Variants in DUT observed in about 807,000 individuals in gnomAD.
DUT encodes deoxyuridine triphosphatase.
A neutral mutation model predicts 28.8 loss-of-function variants in DUT; 21 were observed. The observed-to-expected ratio is 0.73, with a 90% CI of 0.52 to 1.05. DUT has a LOEUF of 1.05. Among genes scored for constraint, DUT ranks in the 50% least tolerant of loss-of-function variants. The pLI is 0.00. For synonymous variants in DUT, 147 were observed against 143.7 expected, an observed-to-expected ratio of 1.02 and a Z score of -0.17; for missense variants, 344 against 351.8, an observed-to-expected ratio of 0.98 and a Z score of 0.18.
rs1379598276 is a variant in DUT, at chr15:48,331,472, G to T, written c.-44G>T. 2.5e-6 allele frequency: 4 copies of T among 1,606,518 alleles called. No individual in the cohort carries two copies. In the South Asian group the frequency reaches 4.4e-5, roughly 18 times the overall value. ...TCTTCAGGGTGGAAGCCTGGCGCACGTCCGGAGGTGCCGAGGACCCAACCA... is the reference window on the plus strand; with the variant it reads ...TCTTCAGGGTGGAAGCCTGGCGCACTTCCGGAGGTGCCGAGGACCCAACCA... On this transcript the variant is annotated 5_prime_UTR_variant, in exon 1 of 7. Coordinates refer to ENST00000331200, the MANE Select transcript of DUT (RefSeq NM_001025248.2).
chr15:48,331,346 G>C (rs2042404665), upstream of DUT: 8 of 1,454,978 alleles, frequency 5.5e-6, no homozygotes, highest in Non-Finnish European at 7.2e-6. Context: ...GGGGCCCCAG[G>C]GCCTGCGCCA....
chr15:48,341,470 C>T (rs372941812), intron 5 of DUT, 45 bp from the exon 6 acceptor site: 5 of 1,583,148 alleles, frequency 3.2e-6, no homozygotes, highest in African/African-American at 2.7e-5. Context: ...CAGGATATGG[C>T]GAATGTGTCA....
intron 4 of DUT, among the ~76,000 whole-genome samples, chr15:48,337,357 T>C (rs1380374804): frequency 6.6e-6 from 1 of 152,198 alleles, no homozygotes; most frequent in Non-Finnish European, 1.5e-5. Flanking sequence ...TTTCAAATGA[T>C]TGTTCAAGGA....
intron 2 of DUT, among the ~76,000 whole-genome samples, chr15:48,333,623 A>G (rs2042442990): frequency 6.6e-6 from 1 of 152,158 alleles, no homozygotes; most frequent in East Asian, 1.9e-4. Context: ...TCATTGTAAA[A>G]TCTCTTAAAT....
At chr15:48,331,151 T>A, upstream of DUT, 1 of 1,341,334 alleles carries the variant, frequency 7.5e-7, no homozygotes, top group Non-Finnish European at 9.7e-7. Context: ...GCCGCTAAAC[T>A]CAGAGCCCGG....
At chr15:48,341,209 G>T in intron 4 of DUT, 80 bp from the exon 5 acceptor site, 1 of 814,644 alleles carries the variant, frequency 1.2e-6, no homozygotes, top group South Asian at 1.9e-5. Flanking sequence ...AGAGCTACAT[G>T]ATAATGATTT....
chr15:48,331,857 G>A (rs1485993462), intron 1 of DUT, 62 bp downstream of exon 1: 6 of 1,255,198 alleles, frequency 4.8e-6, no homozygotes, highest in Admixed American at 4.0e-5. Flanking sequence ...TTGAGGCTGT[G>A]GGGGAAGTAG....
intron 1 of DUT, 90 bp downstream of exon 1, chr15:48,331,885 CTG>C (rs2042416502): frequency 2.0e-5 from 3 of 149,148 alleles, no homozygotes; most frequent in Non-Finnish European, 3.1e-5. Context: ...AGCGGTCCTT[CTG>C]CGCGCGGGGG....
chr15:48,334,134 G>A (rs1341881936), intron 2 of DUT, among the ~76,000 whole-genome samples: 1 of 151,998 alleles, frequency 6.6e-6, no homozygotes, highest in Non-Finnish European at 1.5e-5. Context: ...TTGTTCAGGG[G>A]CAAACATTTA....
chr15:48,341,336 T>C lies in DUT; in HGVS notation c.604T>C (p.Phe202Leu). Residue 202 changes from phenylalanine (F) to leucine (L), a missense_variant, in exon 5 of 7, where the codon TTT becomes CTT. Coordinates refer to ENST00000331200, the MANE Select transcript of DUT (RefSeq NM_001025248.2). ...TAGAGGAAATGTTGGTGTTGTACTG[T>C]TTAATTTTGGCAAAGAAAAGTTTGA... ...DYRGNVGVVL[F>L]NFGKEKFEVK... is the part of the protein sequence containing the mutation. 1 of 1,611,520 alleles carries C rather than the reference T, an allele frequency of 6.2e-7. No homozygotes were observed. The highest frequency in any genetic ancestry group is 8.5e-7 in the Non-Finnish European group (1 of 1,178,250).
intron 3 of DUT, among the ~76,000 whole-genome samples, chr15:48,335,533 T>C (rs528587950): frequency 5.3e-5 from 8 of 152,322 alleles, no homozygotes; most frequent in Admixed American, 4.6e-4. Context: ...TTGTAGGCTA[T>C]GGTCTGCTAC....
At chr15:48,332,462 A>G in intron 2 of DUT, 56 bp downstream of exon 2, 1 of 1,392,772 alleles carries the variant, frequency 7.2e-7, no homozygotes, top group Non-Finnish European at 9.6e-7. Flanking sequence ...CCGCTGCCAC[A>G]GCTAGAAACA....
chr15:48,340,706 C>A (rs895922885), intron 4 of DUT, among the ~76,000 whole-genome samples: 2 of 152,116 alleles, frequency 1.3e-5, no homozygotes, highest in African/African-American at 4.8e-5. Context: ...TCTGAGAAAC[C>A]ATGCTCTAAG....
chr15:48,333,163 C>T (rs1489982022), intron 2 of DUT, among the ~76,000 whole-genome samples: 1 of 151,156 alleles, frequency 6.6e-6, no homozygotes, highest in Admixed American at 6.6e-5. Flanking sequence ...AGATTTTATA[C>T]TAAATCCCAA....
chr15:48,335,897 A>G (rs769510782), intron 3 of DUT, 149 bp from the exon 4 acceptor site: 111 of 646,338 alleles, frequency 1.7e-4, no homozygotes, highest in Non-Finnish European at 2.6e-4. Flanking sequence ...TGATGAATAT[A>G]TATTCTTTAA....
intron 2 of DUT, 89 bp downstream of exon 2, chr15:48,332,495 C>A: frequency 8.8e-7 from 1 of 1,137,872 alleles, no homozygotes; most frequent in Non-Finnish European, 1.2e-6. Context: ...ATCACAGGAA[C>A]ACACTAGCTA....
chr15:48,335,942 TAGATATTATAGGTGA>T, intron 3 of DUT, 89 bp from the exon 4 acceptor site: 1 of 840,014 alleles, frequency 1.2e-6, no homozygotes, highest in Non-Finnish European at 1.9e-6. Flanking sequence ...GATGAAGATA[TAGATATTATAGGTGA>T]AGAGAATGAC....
chr15:48,334,617 A>G, intron 3 of DUT, 109 bp downstream of exon 3: 1 of 703,866 alleles, frequency 1.4e-6, no homozygotes, highest in Non-Finnish European at 2.4e-6. Context: ...GCTGTGTCCT[A>G]AAAGAAGCAC....
chr15:48,341,354 A>G lies in DUT; in HGVS notation c.622A>G (p.Lys208Glu). Reference sequence around the variant, plus strand: ...TGTACTGTTTAATTTTGGCAAAGAAAAGTTTGAAGGTATGTTAAATATATA... The same window carrying G: ...TGTACTGTTTAATTTTGGCAAAGAAGAGTTTGAAGGTATGTTAAATATATA... The part of the protein sequence containing the change: ...GVVLFNFGKE[K>E]FEVKKGDRIA... Residue 208 changes from lysine (K) to glutamate (E), a missense_variant, in exon 5 of 7, where the codon AAG becomes GAG. Coordinates refer to ENST00000331200, the MANE Select transcript of DUT (RefSeq NM_001025248.2). 6.2e-7 allele frequency: 1 copy of G among 1,608,816 alleles called. No homozygotes were observed. The highest frequency in any genetic ancestry group is 8.5e-7 in the Non-Finnish European group (1 of 1,175,808).
Sources: gnomAD v4.1 joint callset for allele counts (sites outside exome capture counted in the v4.1 genomes callset) on GRCh38, gnomAD v4.1.1 for gene constraint, MANE v1.5 for transcripts, NCBI Gene and HGNC (gene_info 2026-07-23, HGNC 2026-07-21) for gene names.